Variants in DNAH11 observed in about 807,000 individuals in gnomAD.
DNAH11 encodes the protein axonemal beta dynein heavy chain 11.
DNAH11 carries 442 observed loss-of-function variants against 526.0 expected under a neutral mutation model. The observed-to-expected ratio is 0.84, with a 90% CI of 0.78 to 0.91. The LOEUF is 0.91. Ranked by LOEUF, DNAH11 falls within the 40% of genes least tolerant of loss-of-function variation. DNAH11 has a pLI of 0.00. For missense variants in DNAH11, 6,989 were observed against 5,448.7 expected, an observed-to-expected ratio of 1.28 and a Z score of -8.90; for synonymous variants, 2,461 against 1,935.9, an observed-to-expected ratio of 1.27 and a Z score of -7.12.
At chr7:21,871,714 C>T (rs17145807) in intron 73 of DNAH11, among the ~76,000 whole-genome samples, 23,563 of 152,076 alleles carry the variant, frequency 0.15, 3,201 homozygotes, top group African/African-American at 0.36. Context: ...TCCTTACCTA[C>T]TGTATTACTT....
chr7:21,740,005 A>G (rs1177711628), intron 48 of DNAH11, among the ~76,000 whole-genome samples: 2 of 152,162 alleles, frequency 1.3e-5, no homozygotes, highest in African/African-American at 2.4e-5. Context: ...ATTATTAACT[A>G]AAGTTCAGAG....
At chr7:21,705,209 G>A (rs1784217989) in intron 38 of DNAH11, among the ~76,000 whole-genome samples, 2 of 152,158 alleles carry the variant, frequency 1.3e-5, no homozygotes, top group South Asian at 4.1e-4. Flanking sequence ...ATTTTTGTAA[G>A]TAACCCCTGC....
intron 57 of DNAH11, 69 bp from the exon 58 acceptor site, chr7:21,784,358 T>G: frequency 8.4e-7 from 1 of 1,194,546 alleles, no homozygotes; most frequent in South Asian, 1.3e-5. Context: ...TGAGTCAACC[T>G]CCATTTTTCT....
Position 21,779,023 on chromosome 7 carries a change from C to T in DNAH11, c.9402C>T (p.Ala3134=), listed in dbSNP as rs148800414. 5.5e-5 allele frequency: 89 copies of T among 1,613,204 alleles called. No individual in the cohort carries two copies. The highest frequency in any genetic ancestry group is 4.9e-4 in the Middle Eastern group (3 of 6,076). ...EAELQLRNHD[A]EALITKIGLQ... The stretch of plus-strand genomic sequence containing the variant: ...AGCTGCAACTGAGAAATCATGATGC[C>T]GAAGCTCTGATCACAAAGATCGGCC... Residue 3134 remains alanine (A), a synonymous_variant, in exon 57 of 82, where the codon GCC becomes GCT. Transcript: ENST00000409508.
chr7:21,873,681 C>A (rs996043364), intron 74 of DNAH11, among the ~76,000 whole-genome samples, 180 bp downstream of exon 74: 3 of 150,782 alleles, frequency 2.0e-5, no homozygotes, highest in Admixed American at 6.6e-5. Context: ...CTGTCATTTC[C>A]GATTCTAATG....
At chr7:21,647,144 G>A (rs776536077) in intron 28 of DNAH11, among the ~76,000 whole-genome samples, 1 of 152,112 alleles carries the variant, frequency 6.6e-6, no homozygotes, top group Non-Finnish European at 1.5e-5. Context: ...TGCGGAACAA[G>A]AAGAAAGATA....
chr7:21,781,455 T>C (rs1787937713), intron 57 of DNAH11, among the ~76,000 whole-genome samples: 1 of 152,212 alleles, frequency 6.6e-6, no homozygotes, highest in Non-Finnish European at 1.5e-5. Flanking sequence ...CTTCCACCTT[T>C]GTTTGGCTTC....
intron 2 of DNAH11, among the ~76,000 whole-genome samples, chr7:21,546,080 A>G (rs907224873): frequency 6.6e-6 from 1 of 152,208 alleles, no homozygotes; most frequent in Admixed American, 6.5e-5. Context: ...CAATTTCTAA[A>G]TCAGACCTCT....
intron 30 of DNAH11, among the ~76,000 whole-genome samples, chr7:21,674,367 T>C (rs1782777043): frequency 6.6e-6 from 1 of 151,966 alleles, no homozygotes; most frequent in African/African-American, 2.4e-5. Context: ...GTTTTTGTGT[T>C]TTGTTTTGTT....
chr7:21,637,178 C>G (rs1202026232), intron 26 of DNAH11, among the ~76,000 whole-genome samples: 2 of 152,054 alleles, frequency 1.3e-5, no homozygotes, highest in South Asian at 2.1e-4. Flanking sequence ...CTCTCATTCT[C>G]TGTCTCTCTC....
At position 21,543,244 on chromosome 7, in the gene DNAH11, C is replaced by T; in HGVS notation, c.-2C>T. 1 of 1,531,346 alleles carries T rather than the reference C, an allele frequency of 6.5e-7. No individual in the cohort carries two copies. The highest frequency in any genetic ancestry group is 8.8e-7 in the Non-Finnish European group (1 of 1,138,548). 94.9% of individuals were successfully genotyped at this position (1,531,346 alleles called of 1,614,324 possible). A position where few individuals can be genotyped will look rare whatever the true frequency, so the allele number is the denominator to read the frequency against. On this transcript the variant is annotated 5_prime_UTR_variant, in exon 1 of 82. Transcript: ENST00000409508. ...CCTCGCGTTCCCTCGGACGGTTGCCCAATGGCAGCCCAGGTGGCAGCCCGG... is the reference window on the plus strand; with the variant it reads ...CCTCGCGTTCCCTCGGACGGTTGCCTAATGGCAGCCCAGGTGGCAGCCCGG...
At chr7:21,612,531 GGC>G (rs1785570951) in intron 20 of DNAH11, among the ~76,000 whole-genome samples, 1 of 139,584 alleles carries the variant, frequency 7.2e-6, no homozygotes, top group South Asian at 2.4e-4. Context: ...CTCCAGCCTG[GGC>G]GACAGAGTGA....
At chr7:21,753,868 A>T (rs919087840) in intron 54 of DNAH11, among the ~76,000 whole-genome samples, 4 of 152,216 alleles carry the variant, frequency 2.6e-5, no homozygotes, top group African/African-American at 9.6e-5. Flanking sequence ...GATCGAAATC[A>T]TGCTGAATGC....
chr7:21,671,183 T>C (rs1782628380), intron 30 of DNAH11, among the ~76,000 whole-genome samples: 1 of 152,204 alleles, frequency 6.6e-6, no homozygotes, highest in South Asian at 2.1e-4. Context: ...TTTTTTGGGC[T>C]CTTCCTTTCT....
At chr7:21,829,073 A>C (rs1012955236) in intron 65 of DNAH11, among the ~76,000 whole-genome samples, 1 of 152,104 alleles carries the variant, frequency 6.6e-6, no homozygotes, top group African/African-American at 2.4e-5. Context: ...GTGGTTTGCT[A>C]CGTTTGCTAC....
chr7:21,711,830 A>G lies in DNAH11; in HGVS notation c.6953A>G (p.Tyr2318Cys), dbSNP rs1784475491. Residue 2318 changes from tyrosine (Y) to cysteine (C), a missense_variant, in exon 42 of 82, where the codon TAT becomes TGT. By Grantham distance (194) the Tyr-to-Cys change is radical. Transcript: ENST00000409508. The part of the protein sequence containing the change: ...PATVSRAGIL[Y>C]VNPQDLGWNP... ...ACTGTTTCCAGAGCTGGTATTCTGT[A>G]TGTGAACCCACAAGATCTGGGCTGG... The G allele has an allele frequency of 6.2e-7, 1 of 1,613,530 alleles. No homozygotes were observed.
At position 21,626,985 on chromosome 7, in the gene DNAH11, C is replaced by T. The variant is rs567794335; in HGVS notation, c.4500+6907C>T. 4.4e-4 allele frequency among the ~76,000 whole-genome samples: 67 copies of T among 152,124 alleles called. 1 individual carries two copies. The highest frequency in any genetic ancestry group is 2.9e-3 in the Admixed American group (44 of 15,264). ...CAGGATGGTCTCGATCTCCTGACCT[C>T]GTGATCTGTGTGCCTCTGCCCCTAA... On this transcript the variant is annotated intron_variant, in intron 25 of 81. Transcript: ENST00000409508.
At chr7:21,813,672 C>A (rs1286020506) in intron 63 of DNAH11, among the ~76,000 whole-genome samples, 54 of 152,186 alleles carry the variant, frequency 3.5e-4, no homozygotes, top group Admixed American at 3.5e-3. Flanking sequence ...TTCTCTCTAG[C>A]AAATGCTTCT....
At chr7:21,774,667 C>T (rs1323793293) in intron 56 of DNAH11, among the ~76,000 whole-genome samples, 6 of 152,098 alleles carry the variant, frequency 3.9e-5, no homozygotes, top group Admixed American at 2.6e-4. Flanking sequence ...GAGTTTAAGG[C>T]CAGAGAGCCA....
Sources: gnomAD v4.1 joint callset for allele counts (sites outside exome capture counted in the v4.1 genomes callset) on GRCh38, gnomAD v4.1.1 for gene constraint, MANE v1.5 for transcripts, NCBI Gene and HGNC (gene_info 2026-07-23, HGNC 2026-07-21) for gene names.